Variants in RBFOX1 observed in about 807,000 individuals in gnomAD.
The protein encoded by RBFOX1 is RNA binding fox-1 homolog 1, also known as RNA binding protein fox-1 homolog 1.
A neutral mutation model predicts 57.7 loss-of-function variants in RBFOX1; 8 were observed. That is an observed-to-expected ratio of 0.14 (90% CI 0.08 to 0.25). RBFOX1 has a LOEUF of 0.25. Ranked by LOEUF, RBFOX1 falls within the 10% of genes least tolerant of loss-of-function variation. The pLI is 1.00. For missense variants in RBFOX1, 611 were observed against 548.5 expected (o/e 1.11, Z -1.14); for synonymous variants, 326 against 222.4 (o/e 1.47, Z -4.15).
intron 3 of RBFOX1, among the ~76,000 whole-genome samples, chr16:6,801,776 G>A (rs959001376): frequency 1.3e-5 from 2 of 152,116 alleles, no homozygotes; most frequent in Non-Finnish European, 2.9e-5. Flanking sequence ...GGAAAATATT[G>A]CCAGACCGAC....
At chr16:5,594,415 C>T (rs1427800908) in intron 2 of RBFOX1, among the ~76,000 whole-genome samples, 1 of 120,572 alleles carries the variant, frequency 8.3e-6, no homozygotes, top group Non-Finnish European at 1.9e-5. Flanking sequence ...AGGCCTGTGA[C>T]ACAGCCTCAG....
chr16:6,110,498 G>T (rs1437490214), intron 1 of RBFOX1, among the ~76,000 whole-genome samples: 3 of 152,132 alleles, frequency 2.0e-5, no homozygotes, highest in African/African-American at 7.2e-5. Flanking sequence ...AGTCATTTGT[G>T]AAATGATGTG....
chr16:7,207,666 A>G (rs1828871461), intron 4 of RBFOX1, among the ~76,000 whole-genome samples: 1 of 152,196 alleles, frequency 6.6e-6, no homozygotes, highest in African/African-American at 2.4e-5. Flanking sequence ...AGCGGAAGAA[A>G]TGTTTTATCT....
chr16:7,538,558 T>G (rs1041318856), intron 5 of RBFOX1, among the ~76,000 whole-genome samples: 1 of 152,230 alleles, frequency 6.6e-6, no homozygotes, highest in African/African-American at 2.4e-5. Flanking sequence ...TAGCTATGGT[T>G]TCTTCGTTTA....
chr16:6,622,559 A>G (rs1027500096), intron 2 of RBFOX1, among the ~76,000 whole-genome samples: 5 of 152,172 alleles, frequency 3.3e-5, no homozygotes, highest in African/African-American at 7.2e-5. Flanking sequence ...TCACCTAACG[A>G]TGCATTTCTT....
chr16:6,903,422 A>T (rs1014283286), intron 3 of RBFOX1, among the ~76,000 whole-genome samples: 1 of 152,170 alleles, frequency 6.6e-6, no homozygotes, highest in African/African-American at 2.4e-5. Flanking sequence ...AAAATTGACG[A>T]AAGATCCGTG....
intron 2 of RBFOX1, among the ~76,000 whole-genome samples, chr16:6,608,191 G>A (rs1005190784): frequency 2.0e-5 from 3 of 151,980 alleles, no homozygotes; most frequent in Non-Finnish European, 4.4e-5. Context: ...CTGTATCCTT[G>A]GTATCATCAT....
intron 3 of RBFOX1, among the ~76,000 whole-genome samples, chr16:5,719,202 C>CT (rs34350208): frequency 8.2e-4 from 99 of 120,098 alleles, no homozygotes; most frequent in South Asian, 3.1e-3. Context: ...ATATTAGAAT[C>CT]TTTTTTTTTT....
chr16:6,010,458 T>G (rs1391605679), intron 4 of RBFOX1, among the ~76,000 whole-genome samples: 1 of 152,216 alleles, frequency 6.6e-6, no homozygotes, highest in Admixed American at 6.5e-5. Flanking sequence ...AGGACATTCT[T>G]TTTGTTGGCT....
intron 1 of RBFOX1, among the ~76,000 whole-genome samples, chr16:5,250,649 A>T (rs574892784): frequency 6.6e-6 from 1 of 152,206 alleles, no homozygotes; most frequent in African/African-American, 2.4e-5. Flanking sequence ...CATTCTTCGG[A>T]AAGCCTGCTT....
intron 5 of RBFOX1, among the ~76,000 whole-genome samples, chr16:7,554,448 G>C (rs2087639410): frequency 6.6e-6 from 1 of 152,180 alleles, no homozygotes; most frequent in African/African-American, 2.4e-5. Context: ...ATGTGGTAAA[G>C]AGCTGAACAG....
chr16:5,815,758 C>T lies in RBFOX1; in HGVS notation c.319-51545C>T, dbSNP rs561179006. On this transcript the variant is annotated intron_variant, in intron 3 of 19. Transcript: ENST00000641259. Reference sequence around the variant, plus strand: ...ATGCACTTTAATAAATCACCCCACGCTTCCGAACACATTTATTATCCCTTC... The same window carrying T: ...ATGCACTTTAATAAATCACCCCACGTTTCCGAACACATTTATTATCCCTTC... Among the ~76,000 whole-genome samples, 82 of 152,290 alleles carry T rather than the reference C, an allele frequency of 5.4e-4. 1 individual carries two copies. Among genetic ancestry groups the T allele is most frequent in the African/African-American group, 1.5e-3 (63 of 41,554 alleles).
intron 2 of RBFOX1, among the ~76,000 whole-genome samples, chr16:6,339,450 T>C (rs1322150355): frequency 6.6e-6 from 1 of 152,130 alleles, no homozygotes; most frequent in Non-Finnish European, 1.5e-5. Context: ...CCGGAGGAGC[T>C]GAGGGCTAGG....
chr16:5,368,527 T>G (rs2065781339), intron 1 of RBFOX1, among the ~76,000 whole-genome samples: 1 of 152,218 alleles, frequency 6.6e-6, no homozygotes. Flanking sequence ...GTATGTTTCT[T>G]TCATATTGGG....
chr16:5,463,981 C>G (rs2068876105), intron 1 of RBFOX1, among the ~76,000 whole-genome samples: 1 of 152,106 alleles, frequency 6.6e-6, no homozygotes, highest in East Asian at 1.9e-4. Flanking sequence ...CTGCCATAAC[C>G]AGGCCTGGGA....
intron 1 of RBFOX1, among the ~76,000 whole-genome samples, chr16:5,403,416 C>G (rs2151443943): frequency 6.6e-6 from 1 of 151,034 alleles, no homozygotes; most frequent in South Asian, 2.1e-4. Flanking sequence ...ATATGTAATG[C>G]ACTGCTTGTA....
intron 4 of RBFOX1, among the ~76,000 whole-genome samples, chr16:5,899,174 C>G (rs1429799884): frequency 2.0e-5 from 3 of 146,560 alleles, no homozygotes; most frequent in Non-Finnish European, 4.5e-5. Context: ...AAATAGGCTA[C>G]TGACTATCCA....
chr16:6,172,730 T>A (rs943711525), intron 1 of RBFOX1, among the ~76,000 whole-genome samples: 22 of 152,196 alleles, frequency 1.4e-4, no homozygotes, highest in African/African-American at 5.3e-4. Flanking sequence ...TCACAAACAA[T>A]GTAAGCTGCA....
intron 1 of RBFOX1, among the ~76,000 whole-genome samples, chr16:6,245,089 G>C (rs1231734051): frequency 6.6e-6 from 1 of 152,078 alleles, no homozygotes; most frequent in Non-Finnish European, 1.5e-5. Flanking sequence ...TATCTTCCCT[G>C]GGATGCAGAA....
Sources: allele counts gnomAD v4.1 joint callset (sites outside exome capture counted in the v4.1 genomes callset), GRCh38; gene constraint gnomAD v4.1.1; transcripts MANE v1.5; gene names NCBI Gene and HGNC (gene_info 2026-07-23, HGNC 2026-07-21).